CCDC73: variants seen among roughly 807,000 people sequenced by gnomAD.
CCDC73 encodes the protein coiled-coil domain-containing protein 73.
In CCDC73, 95 loss-of-function variants were observed where a neutral mutation model predicts 116.5. The observed-to-expected ratio is 0.82, with a 90% CI of 0.69 to 0.97. The LOEUF (loss-of-function observed/expected upper bound fraction) is 0.97. Ranked by LOEUF, CCDC73 falls within the 50% of genes least tolerant of loss-of-function variation. CCDC73 has a pLI of 0.00. For synonymous variants in CCDC73, 398 were observed against 401.3 expected, an observed-to-expected ratio of 0.99 and a Z score of 0.10; for missense variants, 1,066 against 1,206.8, an observed-to-expected ratio of 0.88 and a Z score of 1.73.
intron 14 of CCDC73, among the ~76,000 whole-genome samples, chr11:32,622,781 G>T (rs188220188): frequency 6.6e-6 from 1 of 151,472 alleles, no homozygotes; most frequent in Non-Finnish European, 1.5e-5. Flanking sequence ...ACAGTGCATA[G>T]GTGCTCAATT....
At chr11:32,666,502 A>G (rs1855982849) in intron 9 of CCDC73, among the ~76,000 whole-genome samples, 1 of 152,130 alleles carries the variant, frequency 6.6e-6, no homozygotes, top group Non-Finnish European at 1.5e-5. Context: ...CGTGGTTTTC[A>G]GCTCCATCAG....
At chr11:32,737,203 T>A (rs933350680) in intron 2 of CCDC73, among the ~76,000 whole-genome samples, 6 of 151,222 alleles carry the variant, frequency 4.0e-5, no homozygotes, top group Non-Finnish European at 8.8e-5. Context: ...CATTCTTTAT[T>A]TTTAATATCT....
intron 2 of CCDC73, among the ~76,000 whole-genome samples, chr11:32,733,748 T>A (rs1467515924): frequency 6.6e-6 from 1 of 152,036 alleles, no homozygotes; most frequent in Non-Finnish European, 1.5e-5. Flanking sequence ...CATACCAGAA[T>A]CTCTGGGACA....
At chr11:32,743,818 G>A (rs1489308077) in intron 2 of CCDC73, among the ~76,000 whole-genome samples, 1 of 152,164 alleles carries the variant, frequency 6.6e-6, no homozygotes, top group African/African-American at 2.4e-5. Flanking sequence ...CTGAGATGAT[G>A]GGGTTTTCTA....
At chr11:32,775,780 C>T (rs984108400) in intron 1 of CCDC73, among the ~76,000 whole-genome samples, 3 of 151,956 alleles carry the variant, frequency 2.0e-5, no homozygotes, top group Admixed American at 1.3e-4. Context: ...CCTTTTTGTA[C>T]CTACTTTCTT....
rs1855445038 is a variant in CCDC73 at position 32,613,776 on chromosome 11, A to G, written c.2542T>C (p.Ser848Pro). 1 of 1,613,812 alleles carries G rather than the reference A, an allele frequency of 6.2e-7. No individual in the cohort carries two copies. The highest frequency in any genetic ancestry group is 1.3e-5 in the African/African-American group (1 of 75,018). The stretch of plus-strand genomic sequence containing the variant: ...TTTCCTGAAACAATGTCATTTAATG[A>G]TTCTGTTTTCTCTGTATTATTTAAC... Reference protein sequence around the residue: ...TLLNNTEKTESLNDIVSGKMF... With the variant: ...TLLNNTEKTEPLNDIVSGKMF... The change falls in exon 16 of 18, where the codon TCA becomes CCA. Residue 848 changes from serine (S) to proline (P), a missense_variant. Physicochemically the swap from Ser to Pro is moderately conservative, Grantham distance 74. Transcript: ENST00000335185.
intron 1 of CCDC73, among the ~76,000 whole-genome samples, chr11:32,771,923 T>C (rs541039543): frequency 6.6e-6 from 1 of 152,304 alleles, no homozygotes; most frequent in East Asian, 1.9e-4. Flanking sequence ...GCTCTGAACC[T>C]GCCATGCCAT....
intron 13 of CCDC73, among the ~76,000 whole-genome samples, chr11:32,637,488 C>G (rs1855692648): frequency 6.6e-6 from 1 of 152,022 alleles, no homozygotes; most frequent in Admixed American, 6.6e-5. Flanking sequence ...TAGCATTTGA[C>G]CATGTTGACT....
chr11:32,729,577 C>T (rs1473017623), intron 2 of CCDC73, among the ~76,000 whole-genome samples: 2 of 152,140 alleles, frequency 1.3e-5, no homozygotes, highest in African/African-American at 4.8e-5. Flanking sequence ...GTATTTCTGC[C>T]TCCAGATCTT....
chr11:32,708,233 T>C (rs1849871764), intron 3 of CCDC73, among the ~76,000 whole-genome samples: 1 of 152,206 alleles, frequency 6.6e-6, no homozygotes, highest in Admixed American at 6.5e-5. Flanking sequence ...GGTTTATTTC[T>C]GGGTTCTCTA....
At chr11:32,676,869 G>A (rs988228899) in intron 7 of CCDC73, among the ~76,000 whole-genome samples, 1 of 152,196 alleles carries the variant, frequency 6.6e-6, no homozygotes, top group Non-Finnish European at 1.5e-5. Flanking sequence ...ACTTAAACTG[G>A]AGACATAATT....
chr11:32,681,200 G>A (rs1856139883), intron 7 of CCDC73: 1 of 151,944 alleles, frequency 6.6e-6, no homozygotes, highest in South Asian at 2.1e-4. Context: ...ACAATGGTTT[G>A]ATAAGTTTAC....
chr11:32,827,327 G>C, the CCDC73 span, among the ~76,000 whole-genome samples: 1 of 152,174 alleles, frequency 6.6e-6, no homozygotes, highest in Non-Finnish European at 1.5e-5. Context: ...AGTGACTGAA[G>C]TTTGTGTGCA....
intron 14 of CCDC73, among the ~76,000 whole-genome samples, chr11:32,633,786 G>A (rs999393860): frequency 6.6e-6 from 1 of 152,152 alleles, no homozygotes; most frequent in Admixed American, 6.6e-5. Flanking sequence ...CAAAATTCTA[G>A]AATCCCAGAA....
the CCDC73 span, among the ~76,000 whole-genome samples, chr11:32,812,983 T>C: frequency 6.6e-6 from 1 of 152,338 alleles, no homozygotes; most frequent in East Asian, 1.9e-4. Flanking sequence ...TAATAAGGAA[T>C]AATAACATTT....
the CCDC73 span, among the ~76,000 whole-genome samples, chr11:32,818,827 A>G: frequency 6.6e-6 from 1 of 152,238 alleles, no homozygotes. Flanking sequence ...TACGTATTGT[A>G]TGATTCCATT....
intron 6 of CCDC73, among the ~76,000 whole-genome samples, chr11:32,684,793 G>C (rs1207115612): frequency 6.6e-6 from 1 of 152,072 alleles, no homozygotes; most frequent in African/African-American, 2.4e-5. Flanking sequence ...AACCAACCTG[G>C]GCAACATGGT....
chr11:32,740,636 TTC>T lies in CCDC73; in HGVS notation c.135+19471_135+19472del, dbSNP rs528198794. Among the ~76,000 whole-genome samples, 10 of 152,090 alleles carry T rather than the reference TTC, an allele frequency of 6.6e-5. No homozygotes were observed. The South Asian group carries it at 1.0e-3, about 16-fold the overall frequency. The stretch of plus-strand genomic sequence containing the variant: ...ATTTTATTTTTTCAAAAAAAGAACT[TTC>T]TGTTGCTTTTTTGTATTGTTTTTCT... On this transcript the variant is annotated intron_variant, in intron 2 of 17. Transcript: ENST00000335185.
chr11:32,614,771 A>G lies in CCDC73; in HGVS notation c.1547T>C (p.Ile516Thr). ...TTTTTCCAAGCATATCTTGTCTTTT[A>G]TTTCTGTAGTAACTGATTTTCTGTT... is the stretch of plus-strand genomic sequence containing the variant. ...TDNRKSVTTE[I>T]KDKICLEKDN... Residue 516 changes from isoleucine (I) to threonine (T), a missense_variant, in exon 16 of 18, where the codon ATA becomes ACA. Transcript: ENST00000335185. 1 of 1,613,062 alleles carries G rather than the reference A, an allele frequency of 6.2e-7. No homozygotes were observed. The highest frequency in any genetic ancestry group is 8.5e-7 in the Non-Finnish European group (1 of 1,179,574).
Sources: gnomAD v4.1 joint callset for allele counts (sites outside exome capture counted in the v4.1 genomes callset) on GRCh38, gnomAD v4.1.1 for gene constraint, MANE v1.5 for transcripts, NCBI Gene and HGNC (gene_info 2026-07-23, HGNC 2026-07-21) for gene names.